The following SLC35F4 variants were observed in gnomAD, a reference collection of about 807,000 sequenced individuals.
The protein encoded by SLC35F4 is chromosome 14 open reading frame 36.
A neutral mutation model predicts 44.2 loss-of-function variants in SLC35F4; 24 were observed. The ratio of observed to expected loss-of-function variants is 0.54; its 90% CI spans 0.39 to 0.76. The LOEUF (loss-of-function observed/expected upper bound fraction) is 0.76, where lower values mean the gene tolerates loss of function less well. SLC35F4 is among the 30% of genes least tolerant of loss of function. The pLI is 0.00. For synonymous variants in SLC35F4, 238 were observed against 223.6 expected (o/e 1.06, Z -0.57); for missense variants, 562 against 586.1 (o/e 0.96, Z 0.42).
chr14:57,699,868 T>C (rs1427661314), intron 1 of SLC35F4, among the ~76,000 whole-genome samples: 1 of 152,196 alleles, frequency 6.6e-6, no homozygotes, highest in Non-Finnish European at 1.5e-5. Flanking sequence ...ATTCCAAGAT[T>C]AACTTTCCTT....
At chr14:57,615,706 T>A (rs996390060) in intron 1 of SLC35F4, among the ~76,000 whole-genome samples, 3 of 152,330 alleles carry the variant, frequency 2.0e-5, no homozygotes, top group South Asian at 4.1e-4. Flanking sequence ...GGTTATGTGA[T>A]AAATTAAACT....
intron 1 of SLC35F4, among the ~76,000 whole-genome samples, chr14:57,632,760 A>G (rs2072845348): frequency 6.6e-6 from 1 of 151,834 alleles, no homozygotes; most frequent in African/African-American, 2.4e-5. Context: ...CAGTGGTGGG[A>G]TCTTGGCTCA....
chr14:57,566,420 A>G, intron 7 of SLC35F4, 55 bp downstream of exon 7: 1 of 1,507,134 alleles, frequency 6.6e-7, no homozygotes, highest in Non-Finnish European at 9.0e-7. Context: ...CAGAACAAAC[A>G]CAAGCAAGAG....
intron 1 of SLC35F4, among the ~76,000 whole-genome samples, chr14:57,681,910 G>A (rs936657987): frequency 6.6e-6 from 1 of 151,352 alleles, no homozygotes; most frequent in Non-Finnish European, 1.5e-5. Flanking sequence ...ATCATCACTG[G>A]ACATTAGAGA....
intron 1 of SLC35F4, among the ~76,000 whole-genome samples, chr14:57,962,269 AAGAGATT>A (rs1890352789): frequency 6.6e-6 from 1 of 152,240 alleles, no homozygotes; most frequent in South Asian, 2.1e-4. Flanking sequence ...TCCAGGATTA[AAGAGATT>A]AGAGTTCTGG....
intron 1 of SLC35F4, among the ~76,000 whole-genome samples, chr14:57,821,064 C>A (rs1446501525): frequency 6.6e-6 from 1 of 152,234 alleles, no homozygotes; most frequent in Non-Finnish European, 1.5e-5. Context: ...ACAATTCACT[C>A]ATGACCCTTA....
intron 1 of SLC35F4, among the ~76,000 whole-genome samples, chr14:57,926,698 A>C (rs1252593027): frequency 7.2e-6 from 1 of 138,278 alleles, no homozygotes. Context: ...TCCTTTTATA[A>C]AAAGGAATAT....
At chr14:57,682,127 C>T (rs1238345603) in intron 1 of SLC35F4, among the ~76,000 whole-genome samples, 1 of 152,142 alleles carries the variant, frequency 6.6e-6, no homozygotes, top group African/African-American at 2.4e-5. Flanking sequence ...GCATTTGACC[C>T]AGCAATCCCG....
At chr14:57,565,611 C>G (rs2068167396) in intron 7 of SLC35F4, among the ~76,000 whole-genome samples, 1 of 152,202 alleles carries the variant, frequency 6.6e-6, no homozygotes, top group Non-Finnish European at 1.5e-5. Context: ...TCCTTGACAA[C>G]TCCACTCTGA....
intron 1 of SLC35F4, among the ~76,000 whole-genome samples, chr14:57,733,091 A>G (rs1313918265): frequency 6.6e-6 from 1 of 152,188 alleles, no homozygotes; most frequent in African/African-American, 2.4e-5. Context: ...AGAAATTGCT[A>G]ACATGAGGAG....
chr14:57,856,952 A>C (rs1251435246), intron 1 of SLC35F4, among the ~76,000 whole-genome samples: 8 of 152,078 alleles, frequency 5.3e-5, no homozygotes, highest in Admixed American at 1.3e-4. Context: ...TGATTCAGTA[A>C]CTTTATTCTA....
intron 1 of SLC35F4, among the ~76,000 whole-genome samples, chr14:57,737,138 G>A (rs1190088644): frequency 6.6e-6 from 1 of 151,716 alleles, no homozygotes; most frequent in Admixed American, 6.6e-5. Context: ...GTGTGTGTGT[G>A]TTAGGAGAGA....
chr14:57,578,767 A>T lies in SLC35F4; in HGVS notation c.807+2447T>A, dbSNP rs184403291. The T allele has an allele frequency of 8.2e-4, 125 of 152,270 alleles. 2 individuals are homozygous for T. The highest frequency in any genetic ancestry group is 3.0e-3 in the African/African-American group (123 of 41,542). The allele number at this position is 152,270 out of a possible 1,614,324, so 9.4% of individuals were successfully genotyped here. A position where few individuals can be genotyped will look rare whatever the true frequency, so the allele number is the denominator to read the frequency against. On this transcript the variant is annotated intron_variant, in intron 4 of 7. Coordinates refer to ENST00000556826, the MANE Select transcript of SLC35F4 (RefSeq NM_001306087.2). ...TCTGCTATCTATGATGTCTTCACTTATGGATATATTTATTAACAAGTACTT... is the reference window on the plus strand; with the variant it reads ...TCTGCTATCTATGATGTCTTCACTTTTGGATATATTTATTAACAAGTACTT...
chr14:57,885,450 A>G (rs1340061311), intron 1 of SLC35F4, among the ~76,000 whole-genome samples: 1 of 152,212 alleles, frequency 6.6e-6, no homozygotes, highest in Non-Finnish European at 1.5e-5. Flanking sequence ...TAATACGTGC[A>G]GTTTCAGCTT....
At chr14:57,777,390 A>G (rs1223758643) in intron 1 of SLC35F4, among the ~76,000 whole-genome samples, 2 of 152,246 alleles carry the variant, frequency 1.3e-5, no homozygotes, top group African/African-American at 2.4e-5. Flanking sequence ...ATGTCCATCA[A>G]TGATAGACTG....
intron 1 of SLC35F4, among the ~76,000 whole-genome samples, chr14:57,684,066 G>C (rs987068425): frequency 6.6e-6 from 1 of 152,086 alleles, no homozygotes; most frequent in South Asian, 2.1e-4. Context: ...TCCAGCCGCA[G>C]GGCACTCATG....
intron 1 of SLC35F4, among the ~76,000 whole-genome samples, chr14:57,719,535 C>T (rs1442536550): frequency 4.0e-5 from 6 of 150,984 alleles, no homozygotes; most frequent in African/African-American, 1.5e-4. Flanking sequence ...AGAACTTTCA[C>T]TTTTTTGGTT....
upstream of SLC35F4, among the ~76,000 whole-genome samples, chr14:57,866,253 G>A (rs987450090): frequency 6.6e-6 from 1 of 152,178 alleles, no homozygotes; most frequent in Non-Finnish European, 1.5e-5. Context: ...GGCGCGAGAG[G>A]AGAAGGCGAC....
intron 1 of SLC35F4, among the ~76,000 whole-genome samples, chr14:57,618,502 T>C (rs2140081522): frequency 6.6e-6 from 1 of 152,308 alleles, no homozygotes; most frequent in East Asian, 1.9e-4. Context: ...CGGTGCACTC[T>C]GGCCCAGATA....
Sources: allele counts gnomAD v4.1 joint callset (sites outside exome capture counted in the v4.1 genomes callset), GRCh38; gene constraint gnomAD v4.1.1; transcripts MANE v1.5; gene names NCBI Gene and HGNC (gene_info 2026-07-23, HGNC 2026-07-21).